Variants in ST3GAL2 observed in about 807,000 individuals in gnomAD.
ST3GAL2 encodes the protein ST3 beta-galactoside alpha-2,3-sialyltransferase 2.
In ST3GAL2, 16 loss-of-function variants were observed where a neutral mutation model predicts 37.5. That is an observed-to-expected ratio of 0.43 (90% CI 0.29 to 0.65). The LOEUF (loss-of-function observed/expected upper bound fraction) is 0.65. Ranked by LOEUF, ST3GAL2 falls within the 30% of genes least tolerant of loss-of-function variation. The pLI, the probability that ST3GAL2 is intolerant of heterozygous loss-of-function variation, is 0.17. For missense variants in ST3GAL2, 383 were observed against 487.8 expected (o/e 0.79, Z 2.02); for synonymous variants, 238 against 202.9 (o/e 1.17, Z -1.47).
intron 1 of ST3GAL2, among the ~76,000 whole-genome samples, chr16:70,427,049 A>G (rs921500443): frequency 1.3e-5 from 2 of 151,920 alleles, no homozygotes; most frequent in South Asian, 2.1e-4. Context: ...TGGTCTCCCT[A>G]TGTTTCCCAG....
chr16:70,383,005 A>G (rs1182132514), intron 5 of ST3GAL2, 81 bp from the exon 6 acceptor site: 5 of 1,587,446 alleles, frequency 3.1e-6, no homozygotes, highest in Non-Finnish European at 3.4e-6. Flanking sequence ...CTACTTGTCT[A>G]TGCCTGTCAG....
chr16:70,421,855 T>TTTGCCTC (rs1177148597), intron 1 of ST3GAL2, among the ~76,000 whole-genome samples: 12,237 of 152,280 alleles, frequency 0.08, 1,639 homozygotes, highest in African/African-American at 0.28. Context: ...TCCAAAGCCC[T>TTTGCCTC]CATAGGGCCA....
Position 70,381,367 on chromosome 16 carries a change from A to G in ST3GAL2, c.*322T>C. ...ATGCTCTCCTCCTCAGAAAGCGTGA[A>G]AGAAAACCCTAACCCAAAGCATGAG... On this transcript the variant is annotated 3_prime_UTR_variant, in exon 7 of 7. Coordinates refer to ENST00000342907, the MANE Select transcript of ST3GAL2 (RefSeq NM_006927.4). 1 of 263,998 alleles carries G rather than the reference A, an allele frequency of 3.8e-6. No individual in the cohort carries two copies. Among genetic ancestry groups the G allele is most frequent in the Admixed American group, 5.1e-5 (1 of 19,634 alleles). 16.4% of individuals were successfully genotyped at this position (263,998 alleles called of 1,614,324 possible).
At position 70,427,909 on chromosome 16, in the gene ST3GAL2, T is replaced by C. The variant is rs535731720; in HGVS notation, c.-1004+11040A>G. Reference sequence around the variant, plus strand: ...ATCTACTAAACGGACCCCCTTCAACTCCTTCTTCATAGGGTAGCCAAAGTG... The same window carrying C: ...ATCTACTAAACGGACCCCCTTCAACCCCTTCTTCATAGGGTAGCCAAAGTG... On this transcript the variant is annotated intron_variant, in intron 1 of 6. Coordinates refer to ENST00000342907, the MANE Select transcript of ST3GAL2 (RefSeq NM_006927.4). 9.9e-5 allele frequency among the ~76,000 whole-genome samples: 15 copies of C among 152,264 alleles called. No homozygotes were observed. The East Asian group carries it at 2.7e-3, about 27-fold the overall frequency.
At chr16:70,425,334 C>T (rs1262158720) in intron 1 of ST3GAL2, among the ~76,000 whole-genome samples, 1 of 152,098 alleles carries the variant, frequency 6.6e-6, no homozygotes, top group East Asian at 1.9e-4. Context: ...TGGTGATGTG[C>T]GCCTGTAGTT....
At chr16:70,428,019 A>G (rs530844463) in intron 1 of ST3GAL2, among the ~76,000 whole-genome samples, 5 of 152,320 alleles carry the variant, frequency 3.3e-5, no homozygotes, top group African/African-American at 1.2e-4. Context: ...TCTGGGGTAA[A>G]GGCGGAACTC....
Position 70,439,046 on chromosome 16 carries a change from C to T in ST3GAL2, c.-1101G>A, listed in dbSNP as rs543275979. The T allele has an allele frequency of 2.3e-4, 37 of 163,322 alleles. No homozygotes were observed. Among genetic ancestry groups the T allele is most frequent in the African/African-American group, 4.6e-4 (19 of 41,220 alleles). 10.1% of individuals were successfully genotyped at this position (163,322 alleles called of 1,614,324 possible). A position where few individuals can be genotyped will look rare whatever the true frequency, so the allele number is the denominator to read the frequency against. On this transcript the variant is annotated 5_prime_UTR_variant, in exon 1 of 7. Coordinates refer to ENST00000342907, the MANE Select transcript of ST3GAL2 (RefSeq NM_006927.4). ...GTCGCCGCCGCCGCCGCCGCCGCCG[C>T]CGTCGTCCGGACCCGTTAGCTCGCA...
In ST3GAL2 at chr16:70,378,053, A is replaced by T. The variant is rs901004168; in HGVS notation, c.*3636T>A. 6.6e-6 allele frequency: 1 copy of T among 152,220 alleles called. No individual in the cohort carries two copies. Among genetic ancestry groups the T allele is most frequent in the Admixed American group, 6.5e-5 (1 of 15,270 alleles). The allele number at this position is 152,220 out of a possible 1,614,324, so 9.4% of individuals were successfully genotyped here. A position where few individuals can be genotyped will look rare whatever the true frequency, so the allele number is the denominator to read the frequency against. On this transcript the variant is annotated 3_prime_UTR_variant, in exon 7 of 7. Coordinates refer to ENST00000342907, the MANE Select transcript of ST3GAL2 (RefSeq NM_006927.4). The stretch of plus-strand genomic sequence containing the variant: ...CAATAGACGGGAAATTTAACAAAAT[A>T]TTTGGAACACACCCAAAAAACTGGA...
At chr16:70,394,270 C>T (rs1052903836) in intron 3 of ST3GAL2, among the ~76,000 whole-genome samples, 2 of 152,220 alleles carry the variant, frequency 1.3e-5, no homozygotes, top group African/African-American at 4.8e-5. Context: ...TTCTATGCAT[C>T]TGCCAGCGAG....
intron 1 of ST3GAL2, among the ~76,000 whole-genome samples, chr16:70,405,576 G>T (rs2047585785): frequency 6.7e-6 from 1 of 148,510 alleles, no homozygotes; most frequent in South Asian, 2.1e-4. Flanking sequence ...AGGAAAAAAA[G>T]GAATAAGGCA....
chr16:70,433,815 C>T (rs1222233474), intron 1 of ST3GAL2, among the ~76,000 whole-genome samples: 2 of 152,212 alleles, frequency 1.3e-5, no homozygotes, highest in Non-Finnish European at 2.9e-5. Context: ...CTGCTTGCAA[C>T]CAAATAGGAT....
intron 1 of ST3GAL2, among the ~76,000 whole-genome samples, chr16:70,431,829 T>G (rs959518318): frequency 1.3e-5 from 2 of 151,864 alleles, no homozygotes; most frequent in African/African-American, 2.4e-5. Context: ...CCAGGCGTGG[T>G]GGCGGGTGCC....
intron 3 of ST3GAL2, among the ~76,000 whole-genome samples, chr16:70,390,569 C>A (rs977250799): frequency 5.9e-5 from 9 of 152,288 alleles, no homozygotes; most frequent in African/African-American, 2.2e-4. Flanking sequence ...CGCTTTAAGA[C>A]CCTGTCTGCC....
At chr16:70,389,152 G>A (rs2047464083) in intron 3 of ST3GAL2, among the ~76,000 whole-genome samples, 1 of 128,814 alleles carries the variant, frequency 7.8e-6, no homozygotes, top group Non-Finnish European at 1.6e-5. Context: ...GGCCGAGGTG[G>A]GCGGATCACG....
At chr16:70,407,522 G>A (rs1052617796) in intron 1 of ST3GAL2, among the ~76,000 whole-genome samples, 20 of 152,158 alleles carry the variant, frequency 1.3e-4, no homozygotes, top group African/African-American at 4.8e-4. Context: ...CTGAATGGCT[G>A]GTCCATGTCC....
intron 1 of ST3GAL2, among the ~76,000 whole-genome samples, chr16:70,416,745 A>G (rs1319772319): frequency 6.1e-5 from 9 of 148,580 alleles, no homozygotes; most frequent in Admixed American, 4.6e-4. Context: ...ACCACCCAGA[A>G]ACATGAGACC....
Position 70,399,000 on chromosome 16 carries a change from A to G in ST3GAL2, c.-470T>C, listed in dbSNP as rs987787399. ...TCGTTCCCGGCAGCGGGGAAGCCCT[A>G]GAACTCCAATCACAACAGAGAGCAC... On this transcript the variant is annotated 5_prime_UTR_variant, in exon 2 of 7. Coordinates refer to ENST00000342907, the MANE Select transcript of ST3GAL2 (RefSeq NM_006927.4). 2 of 416,506 alleles carry G rather than the reference A, an allele frequency of 4.8e-6. No individual in the cohort carries two copies. Among genetic ancestry groups the G allele is most frequent in the Non-Finnish European group, 8.5e-6 (2 of 235,900 alleles). 25.8% of individuals were successfully genotyped at this position (416,506 alleles called of 1,614,324 possible). A position where few individuals can be genotyped will look rare whatever the true frequency, so the allele number is the denominator to read the frequency against.
At chr16:70,390,263 GGGTC>G (rs2047474010) in intron 3 of ST3GAL2, among the ~76,000 whole-genome samples, 2 of 151,994 alleles carry the variant, frequency 1.3e-5, no homozygotes, top group South Asian at 4.2e-4. Context: ...GTAGAGATAG[GGGTC>G]TCACTGCGTT....
intron 1 of ST3GAL2, among the ~76,000 whole-genome samples, chr16:70,402,981 G>T (rs534398634): frequency 6.6e-6 from 1 of 152,170 alleles, no homozygotes; most frequent in South Asian, 2.1e-4. Flanking sequence ...ATTCTGTAAA[G>T]AGCACAAATA....
Sources: gnomAD v4.1 joint callset for allele counts (sites outside exome capture counted in the v4.1 genomes callset) on GRCh38, gnomAD v4.1.1 for gene constraint, MANE v1.5 for transcripts, NCBI Gene and HGNC (gene_info 2026-07-23, HGNC 2026-07-21) for gene names.